Variants in STK3 observed in about 807,000 individuals in gnomAD.
STK3 encodes the protein serine/threonine-protein kinase 3.
Under a neutral mutation model 58.0 loss-of-function variants are expected in STK3, and 41 were observed. The ratio of observed to expected loss-of-function variants is 0.71; its 90% confidence interval spans 0.55 to 0.92. The LOEUF is 0.92. STK3 is among the 40% of genes least tolerant of loss of function. STK3 has a pLI of 0.00. For missense variants in STK3, 479 were observed against 602.7 expected (o/e 0.79, Z 2.15); for synonymous variants, 170 against 191.0 (o/e 0.89, Z 0.91).
chr8:98,829,444 A>G (rs992538399), upstream of STK3, among the ~76,000 whole-genome samples: 3 of 152,250 alleles, frequency 2.0e-5, no homozygotes, highest in African/African-American at 4.8e-5. Context: ...GAGGAATACT[A>G]TCAGAAAATA....
chr8:98,779,938 A>C (rs1013879818), intron 1 of STK3, among the ~76,000 whole-genome samples: 1 of 140,514 alleles, frequency 7.1e-6, no homozygotes, highest in African/African-American at 2.7e-5. Flanking sequence ...AAGTCAATGA[A>C]TGAATAAGTC....
intron 3 of STK3, among the ~76,000 whole-genome samples, chr8:98,416,769 T>C (rs1443660768): frequency 2.0e-5 from 3 of 152,252 alleles, no homozygotes; most frequent in Admixed American, 6.5e-5. Context: ...AGCAGAGAAA[T>C]GAAAAATTAG....
intron 10 of STK3, among the ~76,000 whole-genome samples, chr8:98,458,616 T>C (rs1330523674): frequency 2.6e-5 from 4 of 152,162 alleles, no homozygotes; most frequent in Non-Finnish European, 4.4e-5. Flanking sequence ...ATTGTAATCC[T>C]CATAATCCCC....
intron 6 of STK3, among the ~76,000 whole-genome samples, chr8:98,689,797 TA>T (rs1401341256): frequency 1.3e-5 from 2 of 151,858 alleles, no homozygotes; most frequent in Non-Finnish European, 2.9e-5. Flanking sequence ...AAAAAATTTA[TA>T]TATATGAGCA....
At chr8:98,657,246 G>T (rs1041737268) in intron 6 of STK3, among the ~76,000 whole-genome samples, 3 of 151,928 alleles carry the variant, frequency 2.0e-5, no homozygotes, top group African/African-American at 7.2e-5. Context: ...GTAAGTACTG[G>T]ACACACATCA....
chr8:98,450,970 G>A (rs1317933247), downstream of STK3, among the ~76,000 whole-genome samples: 3 of 152,162 alleles, frequency 2.0e-5, no homozygotes, highest in Admixed American at 2.0e-4. Flanking sequence ...GCCACTACTG[G>A]CATTAACTAG....
intron 1 of STK3, among the ~76,000 whole-genome samples, chr8:98,917,930 C>A (rs1182181792): frequency 6.6e-6 from 1 of 152,148 alleles, no homozygotes; most frequent in African/African-American, 2.4e-5. Flanking sequence ...ATTCTCTACT[C>A]CTTTCTAGCA....
At chr8:98,827,900 A>G (rs538833095), upstream of STK3, among the ~76,000 whole-genome samples, 1 of 152,304 alleles carries the variant, frequency 6.6e-6, no homozygotes, top group South Asian at 2.1e-4. Context: ...CTAAATATTT[A>G]AAATGTTAAA....
downstream of STK3, among the ~76,000 whole-genome samples, chr8:98,399,675 G>C (rs915958029): frequency 3.9e-5 from 6 of 152,128 alleles, no homozygotes; most frequent in Non-Finnish European, 5.9e-5. Flanking sequence ...AGATCAAAGG[G>C]GTGATTCATC....
chr8:98,356,559 CA>C, the STK3 span, among the ~76,000 whole-genome samples: 9 of 152,252 alleles, frequency 5.9e-5, no homozygotes, highest in East Asian at 1.7e-3. Context: ...AGCCGAAAGC[CA>C]GGGGGGCTCC....
chr8:98,373,749 T>G (rs1459269409), intron 2 of STK3, among the ~76,000 whole-genome samples: 1 of 152,202 alleles, frequency 6.6e-6, no homozygotes, highest in East Asian at 1.9e-4. Flanking sequence ...CTTTTTTTTG[T>G]GAATGTCTTA....
intron 10 of STK3, among the ~76,000 whole-genome samples, chr8:98,486,584 T>A (rs1461664236): frequency 7.9e-5 from 12 of 152,056 alleles, no homozygotes. Flanking sequence ...CACAACCCCC[T>A]AGGACCCAGT....
At chr8:98,590,778 G>C (rs146574238) in intron 7 of STK3, among the ~76,000 whole-genome samples, 26 of 152,208 alleles carry the variant, frequency 1.7e-4, no homozygotes, top group African/African-American at 5.8e-4. Flanking sequence ...TTTATCTTAT[G>C]AACTAAGTGA....
intron 3 of STK3, chr8:98,875,471 C>T (rs1251724663): frequency 1.3e-5 from 2 of 152,220 alleles, no homozygotes; most frequent in Non-Finnish European, 2.9e-5. Flanking sequence ...GTTTTTTAAA[C>T]ACAAGCATCT....
intron 6 of STK3, among the ~76,000 whole-genome samples, chr8:98,675,654 A>G (rs1451280351): frequency 3.9e-5 from 6 of 152,046 alleles, no homozygotes; most frequent in Admixed American, 2.6e-4. Flanking sequence ...CGAGGTCAGG[A>G]GATCGAGACC....
At chr8:98,573,812 T>C (rs903127816) in intron 8 of STK3, among the ~76,000 whole-genome samples, 1 of 152,102 alleles carries the variant, frequency 6.6e-6, no homozygotes, top group African/African-American at 2.4e-5. Flanking sequence ...GGTTAATTTA[T>C]AAAGAAAGGA....
chr8:98,558,871 T>C, intron 8 of STK3, among the ~76,000 whole-genome samples: 1 of 152,262 alleles, frequency 6.6e-6, no homozygotes, highest in South Asian at 2.1e-4. Flanking sequence ...AGATATAATT[T>C]TGTAAAATAA....
At chr8:98,618,065 T>A (rs1817916870) in intron 6 of STK3, among the ~76,000 whole-genome samples, 2 of 151,564 alleles carry the variant, frequency 1.3e-5, no homozygotes, top group South Asian at 4.2e-4. Flanking sequence ...AAATCCTCAA[T>A]AAAATACTGG....
At chr8:98,505,512 C>A (rs1823987135) in intron 10 of STK3, among the ~76,000 whole-genome samples, 1 of 152,124 alleles carries the variant, frequency 6.6e-6, no homozygotes, top group Admixed American at 6.6e-5. Flanking sequence ...TCTGGTTTCT[C>A]CTTATCTTTG....
Sources: gnomAD v4.1 joint callset for allele counts (sites outside exome capture counted in the v4.1 genomes callset) on GRCh38, gnomAD v4.1.1 for gene constraint, MANE v1.5 for transcripts, NCBI Gene and HGNC (gene_info 2026-07-23, HGNC 2026-07-21) for gene names.